The following FAM151B variants were observed in gnomAD, a reference collection of about 807,000 sequenced individuals.
FAM151B encodes family with sequence similarity 151 member B.
In FAM151B, 24 loss-of-function variants were observed where a neutral mutation model predicts 31.2. The ratio of observed to expected loss-of-function variants is 0.77; its 90% confidence interval spans 0.56 to 1.08. The LOEUF (loss-of-function observed/expected upper bound fraction) is 1.08. FAM151B is among the 50% of genes least tolerant of loss of function. The probability of loss-of-function intolerance (pLI) is 0.00; values close to 1 mark genes in which losing one functional copy is unlikely to be tolerated. For missense variants in FAM151B, 293 were observed against 328.6 expected (o/e 0.89, Z 0.84); for synonymous variants, 105 against 111.4 (o/e 0.94, Z 0.36).
chr5:80,536,730 G>T (rs963273284), intron 5 of FAM151B, among the ~76,000 whole-genome samples: 2 of 152,146 alleles, frequency 1.3e-5, no homozygotes, highest in African/African-American at 4.8e-5. Context: ...AAAAGAATGA[G>T]ATCCTGTCAT....
At chr5:80,531,034 C>T (rs976698266) in intron 5 of FAM151B, among the ~76,000 whole-genome samples, 1 of 152,114 alleles carries the variant, frequency 6.6e-6, no homozygotes, top group Admixed American at 6.5e-5. Context: ...GGTACCAAAA[C>T]AGAGATATAG....
chr5:80,526,606 C>G (rs1272613951), intron 5 of FAM151B, among the ~76,000 whole-genome samples: 3 of 152,080 alleles, frequency 2.0e-5, no homozygotes, highest in Admixed American at 1.3e-4. Flanking sequence ...TGCGGCTGAA[C>G]AAGATTCCGT....
intron 1 of FAM151B, chr5:80,501,180 A>ATT (rs373497151): frequency 5.4e-4 from 148 of 275,542 alleles, no homozygotes; most frequent in Middle Eastern, 1.3e-3. Context: ...CACCTGGCTA[A>ATT]TTTTTTTTTT....
chr5:80,518,351 C>T (rs1251907420), intron 3 of FAM151B, among the ~76,000 whole-genome samples: 1 of 152,140 alleles, frequency 6.6e-6, no homozygotes, highest in Non-Finnish European at 1.5e-5. Flanking sequence ...CTCATGGGGA[C>T]TTGGCTGCTG....
chr5:80,537,954 A>C lies in FAM151B; in HGVS notation c.672-3719A>C, dbSNP rs573172252. Among the ~76,000 whole-genome samples the C allele has an allele frequency of 2.1e-4, 32 of 152,142 alleles. 1 individual carries two copies. In the South Asian group the frequency reaches 6.4e-3, roughly 31 times the overall value. Reference sequence around the variant, plus strand: ...ACTGTGAAAAGGCTTTCTCTCATCTACCCAGTCTTCCTGCCCAATGTCACT... The same window carrying C: ...ACTGTGAAAAGGCTTTCTCTCATCTCCCCAGTCTTCCTGCCCAATGTCACT... On this transcript the variant is annotated intron_variant, in intron 5 of 5. Transcript: ENST00000282226.
chr5:80,493,290 A>G (rs1053488757), intron 1 of FAM151B, among the ~76,000 whole-genome samples: 1 of 152,198 alleles, frequency 6.6e-6, no homozygotes, highest in African/African-American at 2.4e-5. Flanking sequence ...CTTTACTTTA[A>G]TCTCTTAATC....
chr5:80,491,514 T>G (rs1414307317), intron 1 of FAM151B, among the ~76,000 whole-genome samples: 1 of 152,200 alleles, frequency 6.6e-6, no homozygotes, highest in Non-Finnish European at 1.5e-5. Flanking sequence ...TGAGCCAGCA[T>G]GCCTGGAATT....
chr5:80,536,120 A>G (rs1033503336), intron 5 of FAM151B, among the ~76,000 whole-genome samples: 1 of 152,096 alleles, frequency 6.6e-6, no homozygotes, highest in African/African-American at 2.4e-5. Flanking sequence ...AGGGAACCCT[A>G]GTATGCTGTT....
chr5:80,515,167 G>A (rs1744371355), intron 3 of FAM151B, among the ~76,000 whole-genome samples: 1 of 152,026 alleles, frequency 6.6e-6, no homozygotes, highest in Admixed American at 6.6e-5. Flanking sequence ...TTGAACCCAG[G>A]AGGTGGAGGT....
chr5:80,508,071 T>G (rs929062984), intron 2 of FAM151B, among the ~76,000 whole-genome samples: 20 of 152,378 alleles, frequency 1.3e-4, no homozygotes, highest in African/African-American at 4.6e-4. Context: ...ATTAGTATGT[T>G]TTCAAAGTTC....
At chr5:80,494,443 TTTTCTTTCTTTCTTTTCTTTCTTTC>T (rs1394208215) in intron 1 of FAM151B, among the ~76,000 whole-genome samples, 2 of 84,462 alleles carry the variant, frequency 2.4e-5, no homozygotes, top group Middle Eastern at 5.9e-3. Flanking sequence ...CTTTCTTTCT[TTTTCTTTCTTTCTTTTCTTTCTTTC>T]TTTCTTTCTT....
chr5:80,511,397 C>G (rs533852462), intron 2 of FAM151B, among the ~76,000 whole-genome samples: 28 of 141,982 alleles, frequency 2.0e-4, no homozygotes, highest in Non-Finnish European at 3.8e-4. Flanking sequence ...TCCCTGGAGC[C>G]CAAGAGTTTC....
chr5:80,488,295 C>G (rs1224045215), intron 1 of FAM151B, 147 bp downstream of exon 1: 1 of 1,076,956 alleles, frequency 9.3e-7, no homozygotes, highest in Non-Finnish European at 1.3e-6. Flanking sequence ...GGGCTTGGAG[C>G]CCGCTCTGCA....
rs971510530 is a variant in FAM151B, at chr5:80,488,600, T to G, written c.25+452T>G. ...CTGGAAAGCTGGCAGAGTGTGCGGC[T>G]CGCTTGATTCCCCTTGGAATCAGGT... is the stretch of plus-strand genomic sequence containing the variant. On this transcript the variant is annotated intron_variant, in intron 1 of 5. Transcript: ENST00000282226. 1.1e-4 allele frequency among the ~76,000 whole-genome samples: 17 copies of G among 152,228 alleles called. 1 individual carries two copies. The highest frequency in any genetic ancestry group is 7.3e-5 in the Non-Finnish European group (5 of 68,044).
intron 5 of FAM151B, among the ~76,000 whole-genome samples, chr5:80,523,234 C>T (rs1744798347): frequency 6.6e-6 from 1 of 152,052 alleles, no homozygotes; most frequent in Admixed American, 6.6e-5. Flanking sequence ...CATTTGAATA[C>T]ATAAAAATGG....
chr5:80,530,176 A>C lies in FAM151B; in HGVS notation c.671+8038A>C, dbSNP rs191096425. Among the ~76,000 whole-genome samples the C allele has an allele frequency of 5.6e-3, 851 of 152,306 alleles. 10 individuals carry two copies. The highest frequency in any genetic ancestry group is 6.2e-3 in the Non-Finnish European group (423 of 68,044). On this transcript the variant is annotated intron_variant, in intron 5 of 5. Transcript: ENST00000282226. ...TAGATTCAGAAAAGGCCTTTGACAA[A>C]ATTCAACAGCCCTTCATGCTAAAAA...
intron 2 of FAM151B, among the ~76,000 whole-genome samples, chr5:80,508,458 A>G (rs1230468390): frequency 6.6e-6 from 1 of 151,120 alleles, no homozygotes; most frequent in East Asian, 1.9e-4. Flanking sequence ...TTTTTTTTTA[A>G]TTATAGCCAG....
intron 1 of FAM151B, 24 bp from the exon 2 acceptor site, chr5:80,501,768 T>G: frequency 6.4e-7 from 1 of 1,552,854 alleles, no homozygotes; most frequent in Non-Finnish European, 8.7e-7. Flanking sequence ...AATATCACTT[T>G]TCATGTAAAC....
intron 1 of FAM151B, among the ~76,000 whole-genome samples, chr5:80,493,990 C>T (rs1048973195): frequency 2.0e-5 from 3 of 152,128 alleles, no homozygotes; most frequent in African/African-American, 7.2e-5. Context: ...TGTGATGTCA[C>T]CCCTGGAGAC....
Sources: allele counts gnomAD v4.1 joint callset (sites outside exome capture counted in the v4.1 genomes callset), GRCh38; gene constraint gnomAD v4.1.1; transcripts MANE v1.5; gene names NCBI Gene and HGNC (gene_info 2026-07-23, HGNC 2026-07-21).